PCDH15: variants seen among roughly 807,000 people sequenced by gnomAD.
PCDH15 encodes protocadherin-15.
In PCDH15, 129 loss-of-function variants were observed where a neutral mutation model predicts 178.5. The ratio of observed to expected loss-of-function variants is 0.72; its 90% CI spans 0.63 to 0.84. PCDH15 has a LOEUF of 0.84. PCDH15 is among the 40% of genes least tolerant of loss of function. The probability of loss-of-function intolerance (pLI) is 0.00; values close to 1 mark genes in which losing one functional copy is unlikely to be tolerated. For synonymous variants in PCDH15, 800 were observed against 732.0 expected (o/e 1.09, Z -1.50); for missense variants, 2,230 against 2,099.9 (o/e 1.06, Z -1.21).
chr10:53,967,946 G>A (rs566540837), intron 21 of PCDH15, among the ~76,000 whole-genome samples: 25 of 152,234 alleles, frequency 1.6e-4, no homozygotes, highest in African/African-American at 3.9e-4. Context: ...AGCTCCCAGC[G>A]TGAGTGATGC....
chr10:54,687,677 AC>A (rs2095038696), intron 1 of PCDH15, among the ~76,000 whole-genome samples: 1 of 151,864 alleles, frequency 6.6e-6, no homozygotes, highest in Non-Finnish European at 1.5e-5. Flanking sequence ...GTAGCTAGAA[AC>A]CTCGTTTTTC....
chr10:55,329,512 T>C (rs965327313), intron 2 of PCDH15, among the ~76,000 whole-genome samples: 14 of 151,730 alleles, frequency 9.2e-5, no homozygotes, highest in African/African-American at 1.7e-4. Context: ...ATGAATTCTA[T>C]TGAGAAATGC....
chr10:54,012,371 C>A (rs1217259122), intron 20 of PCDH15, among the ~76,000 whole-genome samples: 3 of 152,150 alleles, frequency 2.0e-5, no homozygotes, highest in South Asian at 4.1e-4. Flanking sequence ...AAACATATTT[C>A]AGGATATTGT....
chr10:55,380,227 T>A (rs1299580650), intron 2 of PCDH15, among the ~76,000 whole-genome samples: 2 of 152,090 alleles, frequency 1.3e-5, no homozygotes, highest in East Asian at 3.9e-4. Context: ...CCAAAGAATA[T>A]TCAGTGGGCA....
At chr10:54,274,194 T>C (rs1250450484) in intron 8 of PCDH15, among the ~76,000 whole-genome samples, 1 of 151,910 alleles carries the variant, frequency 6.6e-6, no homozygotes, top group Non-Finnish European at 1.5e-5. Context: ...GTTACTAGGC[T>C]TAATACCGGG....
At chr10:55,410,647 G>A (rs1838309328) in intron 2 of PCDH15, among the ~76,000 whole-genome samples, 1 of 152,096 alleles carries the variant, frequency 6.6e-6, no homozygotes, top group Admixed American at 6.6e-5. Context: ...GGAGCAGAGA[G>A]CTTGGTTCAT....
At chr10:55,548,645 C>A (rs1245870257) in intron 2 of PCDH15, among the ~76,000 whole-genome samples, 1 of 152,154 alleles carries the variant, frequency 6.6e-6, no homozygotes, top group Admixed American at 6.6e-5. Flanking sequence ...AAGTTTAAAA[C>A]CCTCTGCCTT....
chr10:54,291,138 C>T (rs1488498613), intron 8 of PCDH15, among the ~76,000 whole-genome samples: 1 of 152,184 alleles, frequency 6.6e-6, no homozygotes, highest in Non-Finnish European at 1.5e-5. Flanking sequence ...GACCACAGTG[C>T]AATCAAACTA....
At chr10:55,252,993 A>G (rs1257926823) in intron 1 of PCDH15, among the ~76,000 whole-genome samples, 2 of 152,186 alleles carry the variant, frequency 1.3e-5, no homozygotes, top group Non-Finnish European at 2.9e-5. Context: ...TTTAGTTAGC[A>G]TAGAAGGTCT....
intron 2 of PCDH15, among the ~76,000 whole-genome samples, chr10:55,571,227 G>T (rs766908985): frequency 6.6e-6 from 1 of 151,956 alleles, no homozygotes; most frequent in Non-Finnish European, 1.5e-5. Flanking sequence ...CTCCCACTTT[G>T]CCTTTCACCA....
chr10:55,429,422 T>G (rs928879209), intron 2 of PCDH15, among the ~76,000 whole-genome samples: 10 of 152,144 alleles, frequency 6.6e-5, no homozygotes, highest in African/African-American at 2.4e-4. Context: ...TTTTTCCTCT[T>G]TCACTGTTTC....
chr10:55,587,660 A>G (rs1247985026), intron 2 of PCDH15, among the ~76,000 whole-genome samples: 1 of 152,214 alleles, frequency 6.6e-6, no homozygotes, highest in East Asian at 1.9e-4. Context: ...CTCAGATATA[A>G]TAACTTTAAA....
intron 2 of PCDH15, among the ~76,000 whole-genome samples, chr10:55,576,729 T>G (rs1209501615): frequency 7.6e-6 from 1 of 132,344 alleles, no homozygotes; most frequent in Non-Finnish European, 1.7e-5. Context: ...ATAACAGATA[T>G]CTAAAAAAAA....
intron 3 of PCDH15, among the ~76,000 whole-genome samples, chr10:54,461,499 T>G (rs893015722): frequency 6.6e-6 from 1 of 152,288 alleles, no homozygotes; most frequent in East Asian, 1.9e-4. Flanking sequence ...GACCATCTCT[T>G]GGATTTATGA....
intron 2 of PCDH15, among the ~76,000 whole-genome samples, chr10:55,528,064 T>A (rs981175183): frequency 3.1e-4 from 47 of 151,994 alleles, no homozygotes; most frequent in African/African-American, 9.9e-4. Context: ...TCAGACAAGT[T>A]CTCACTCTGT....
chr10:55,314,695 TGTA>T (rs1434470429), intron 1 of PCDH15, among the ~76,000 whole-genome samples: 3 of 152,110 alleles, frequency 2.0e-5, no homozygotes, highest in Non-Finnish European at 2.9e-5. Flanking sequence ...AGGCATCAAA[TGTA>T]GTAGAATTGT....
intron 9 of PCDH15, among the ~76,000 whole-genome samples, chr10:54,216,000 A>G (rs866036411): frequency 4.2e-4 from 35 of 82,432 alleles, no homozygotes; most frequent in African/African-American, 1.1e-3. Flanking sequence ...CTGAGATCGT[A>G]CCACTGCACT....
intron 2 of PCDH15, among the ~76,000 whole-genome samples, chr10:55,557,814 C>T (rs529738229): frequency 6.6e-6 from 1 of 152,022 alleles, no homozygotes; most frequent in Admixed American, 6.6e-5. Context: ...AGGAAAGAAC[C>T]GAGGTAAGAA....
At chr10:54,644,903 G>A (rs11004429) in intron 2 of PCDH15, among the ~76,000 whole-genome samples, 1 of 152,120 alleles carries the variant, frequency 6.6e-6, no homozygotes, top group African/African-American at 2.4e-5. Context: ...TGAGAACACA[G>A]CATTCGTCTT....
Sources: allele counts gnomAD v4.1 joint callset (sites outside exome capture counted in the v4.1 genomes callset), GRCh38; gene constraint gnomAD v4.1.1; transcripts MANE v1.5; gene names NCBI Gene and HGNC (gene_info 2026-07-23, HGNC 2026-07-21).